The following RNF125 variants were observed in gnomAD, a reference collection of about 807,000 sequenced individuals.
RNF125 encodes the protein E3 ubiquitin-protein ligase RNF125.
RNF125 carries 21 observed loss-of-function variants against 26.0 expected under a neutral mutation model. The observed-to-expected ratio is 0.81, with a 90% CI of 0.57 to 1.16. The LOEUF is 1.16. Among genes scored for constraint, RNF125 ranks in the 50% most tolerant of loss-of-function variants. The pLI is 0.00. For missense variants in RNF125, 270 were observed against 299.4 expected (o/e 0.90, Z 0.72); for synonymous variants, 95 against 109.2 (o/e 0.87, Z 0.81).
At chr18:32,052,559 A>G (rs532903940) in intron 4 of RNF125, among the ~76,000 whole-genome samples, 1 of 151,820 alleles carries the variant, frequency 6.6e-6, no homozygotes, top group South Asian at 2.1e-4. Flanking sequence ...GGTGCCTGTG[A>G]ATATTTTCAG....
chr18:32,054,253 C>T (rs369005497), intron 4 of RNF125, among the ~76,000 whole-genome samples: 184 of 152,006 alleles, frequency 1.2e-3, no homozygotes, highest in African/African-American at 4.0e-3. Context: ...GCCACCATGC[C>T]GGCTAATTTT....
intron 1 of RNF125, among the ~76,000 whole-genome samples, chr18:32,028,321 AAAAAT>A (rs79027316): frequency 6.6e-6 from 1 of 150,534 alleles, no homozygotes; most frequent in Non-Finnish European, 1.5e-5. Context: ...AAAAAAAAAA[AAAAAT>A]AATAGGTAGT....
Position 32,042,212 on chromosome 18 carries a change from A to T in RNF125, c.352A>T (p.Thr118Ser). ...CLSEMRAHIR[T>S]CQKYIDKYGP... ...CAGTGAAATGAGGGCACATATTCGG[A>T]CTTGTCAGAAGTACATAGATAAGTA... Residue 118 changes from threonine (T) to serine (S), a missense_variant, in exon 3 of 6, where the codon ACT (threonine) becomes TCT (serine). Coordinates refer to ENST00000217740, the MANE Select transcript of RNF125 (RefSeq NM_017831.4). 1 of 1,613,714 alleles carries T rather than the reference A, an allele frequency of 6.2e-7. No homozygotes were observed. Among genetic ancestry groups the T allele is most frequent in the Non-Finnish European group, 8.5e-7 (1 of 1,179,800 alleles).
the RNF125 span, among the ~76,000 whole-genome samples, chr18:32,086,355 G>T: frequency 7.5e-5 from 10 of 133,686 alleles, no homozygotes; most frequent in Non-Finnish European, 1.6e-4. Flanking sequence ...AGATATTTGT[G>T]TTTTTTTTTT....
intron 4 of RNF125, among the ~76,000 whole-genome samples, chr18:32,046,098 T>G (rs2039267662): frequency 6.6e-6 from 1 of 150,420 alleles, no homozygotes; most frequent in Non-Finnish European, 1.5e-5. Flanking sequence ...GCATGTGTAA[T>G]CCCAGCTACT....
chr18:32,080,583 G>A, the RNF125 span, among the ~76,000 whole-genome samples: 1 of 152,242 alleles, frequency 6.6e-6, no homozygotes, highest in Non-Finnish European at 1.5e-5. Flanking sequence ...GTAGTTGAAA[G>A]TAGAAAAGGG....
the RNF125 span, among the ~76,000 whole-genome samples, chr18:32,084,034 T>C: frequency 6.6e-6 from 1 of 151,896 alleles, no homozygotes; most frequent in South Asian, 2.1e-4. Flanking sequence ...ATCTTTTAGC[T>C]TCAAATTTAA....
chr18:32,023,809 G>A (rs1170722411), intron 1 of RNF125, among the ~76,000 whole-genome samples: 2 of 152,096 alleles, frequency 1.3e-5, no homozygotes, highest in African/African-American at 4.8e-5. Flanking sequence ...GTAATCCCAG[G>A]ACTTTGGAAG....
At chr18:32,038,640 T>G (rs991992335) in intron 2 of RNF125, among the ~76,000 whole-genome samples, 5 of 152,246 alleles carry the variant, frequency 3.3e-5, no homozygotes, top group African/African-American at 1.2e-4. Context: ...TTGGGTACTA[T>G]ATCAGCTTCC....
the RNF125 span, among the ~76,000 whole-genome samples, chr18:32,081,929 A>T: frequency 1.3e-5 from 2 of 152,216 alleles, no homozygotes; most frequent in Non-Finnish European, 2.9e-5. Flanking sequence ...TGGAGGTCCA[A>T]ATGAAGAAAG....
intron 5 of RNF125, among the ~76,000 whole-genome samples, chr18:32,066,318 G>A (rs1406294025): frequency 6.6e-6 from 1 of 151,924 alleles, no homozygotes; most frequent in Non-Finnish European, 1.5e-5. Flanking sequence ...AATTAGCCAG[G>A]CATGGTGGTA....
At chr18:32,033,688 G>A (rs947671644) in intron 1 of RNF125, among the ~76,000 whole-genome samples, 22 of 151,594 alleles carry the variant, frequency 1.5e-4, no homozygotes, top group African/African-American at 5.3e-4. Context: ...GCGTGGTGGC[G>A]CATGCCTGTA....
At chr18:32,067,355 A>G (rs1042412675) in intron 5 of RNF125, among the ~76,000 whole-genome samples, 2 of 152,206 alleles carry the variant, frequency 1.3e-5, no homozygotes, top group Non-Finnish European at 2.9e-5. Flanking sequence ...AAGATCTTTC[A>G]GACAAAGCAT....
At chr18:32,041,592 C>T (rs2039217172) in intron 2 of RNF125, among the ~76,000 whole-genome samples, 2 of 145,756 alleles carry the variant, frequency 1.4e-5, no homozygotes. Flanking sequence ...AGTCACCACA[C>T]ATCTATCTAC....
the RNF125 span, among the ~76,000 whole-genome samples, chr18:32,086,875 T>C: frequency 6.6e-6 from 1 of 151,850 alleles, no homozygotes; most frequent in South Asian, 2.1e-4. Context: ...TGGTCTCAAA[T>C]TCCTGACCTC....
intron 4 of RNF125, among the ~76,000 whole-genome samples, chr18:32,059,556 C>G (rs1461473163): frequency 6.6e-6 from 1 of 152,032 alleles, no homozygotes; most frequent in African/African-American, 2.4e-5. Context: ...CAAATATTTT[C>G]TCCCATTCTG....
At chr18:32,061,654 C>T (rs1484943975) in intron 4 of RNF125, among the ~76,000 whole-genome samples, 1 of 152,204 alleles carries the variant, frequency 6.6e-6, no homozygotes, top group Non-Finnish European at 1.5e-5. Flanking sequence ...CTGGCTGGCT[C>T]ATTCTTCAAG....
chr18:32,028,200 A>G (rs1380142126), intron 1 of RNF125, among the ~76,000 whole-genome samples: 1 of 146,914 alleles, frequency 6.8e-6, no homozygotes, highest in Non-Finnish European at 1.5e-5. Context: ...CAGGAGGCTG[A>G]GGCAGGAGAA....
At chr18:32,076,441 T>A (rs2039571049), downstream of RNF125, among the ~76,000 whole-genome samples, 1 of 151,718 alleles carries the variant, frequency 6.6e-6, no homozygotes, top group Admixed American at 6.6e-5. Context: ...TCACCCTCCC[T>A]AGTAGCTGGG....
Sources: gnomAD v4.1 joint callset for allele counts (sites outside exome capture counted in the v4.1 genomes callset) on GRCh38, gnomAD v4.1.1 for gene constraint, MANE v1.5 for transcripts, NCBI Gene and HGNC (gene_info 2026-07-23, HGNC 2026-07-21) for gene names.